RBFOX1: variants seen among roughly 807,000 people sequenced by gnomAD.
RBFOX1 encodes RNA binding protein fox-1 homolog 1.
In RBFOX1, 8 loss-of-function variants were observed where a neutral mutation model predicts 57.7. The observed-to-expected ratio is 0.14, with a 90% CI of 0.08 to 0.25. RBFOX1 has a LOEUF of 0.25. RBFOX1 is among the 10% of genes least tolerant of loss of function. The probability of loss-of-function intolerance (pLI) is 1.00; values close to 1 mark genes in which losing one functional copy is unlikely to be tolerated. For synonymous variants in RBFOX1, 326 were observed against 222.4 expected (o/e 1.47, Z -4.15); for missense variants, 611 against 548.5 (o/e 1.11, Z -1.14).
chr16:5,584,317 T>C (rs2046763478), intron 2 of RBFOX1, among the ~76,000 whole-genome samples: 1 of 152,226 alleles, frequency 6.6e-6, no homozygotes, highest in Non-Finnish European at 1.5e-5. Context: ...TTGGGAAAAC[T>C]TGAGTGCTGT....
intron 4 of RBFOX1, among the ~76,000 whole-genome samples, chr16:7,289,802 G>A (rs2095728560): frequency 6.6e-6 from 1 of 152,114 alleles, no homozygotes. Flanking sequence ...ATTAGTGCTT[G>A]TCTCACTTAT....
chr16:5,976,943 C>T (rs1461137473), intron 4 of RBFOX1, among the ~76,000 whole-genome samples: 1 of 152,134 alleles, frequency 6.6e-6, no homozygotes, highest in Non-Finnish European at 1.5e-5. Context: ...GTGCAGGTTC[C>T]TCTCTGCTTC....
At chr16:7,626,508 G>T (rs1178403546) in intron 10 of RBFOX1, among the ~76,000 whole-genome samples, 2 of 152,148 alleles carry the variant, frequency 1.3e-5, no homozygotes, top group African/African-American at 2.4e-5. Flanking sequence ...TTTGGAACGG[G>T]CTCTGATTAT....
chr16:7,507,929 G>C (rs937358808), intron 4 of RBFOX1, among the ~76,000 whole-genome samples: 3 of 151,668 alleles, frequency 2.0e-5, no homozygotes, highest in Non-Finnish European at 4.4e-5. Flanking sequence ...CCCATGTTCT[G>C]TTGCATCTAT....
At chr16:7,172,839 G>C (rs1044648825) in intron 4 of RBFOX1, among the ~76,000 whole-genome samples, 1 of 152,136 alleles carries the variant, frequency 6.6e-6, no homozygotes, top group Non-Finnish European at 1.5e-5. Context: ...TGAAGTGAGG[G>C]TTTAGAGAAC....
chr16:5,409,436 C>G (rs1235478396), intron 1 of RBFOX1, among the ~76,000 whole-genome samples: 2 of 152,192 alleles, frequency 1.3e-5, no homozygotes, highest in Non-Finnish European at 2.9e-5. Flanking sequence ...GGCTTTTTCC[C>G]TCTTAACAAC....
chr16:7,159,202 G>T (rs74009271), intron 4 of RBFOX1, among the ~76,000 whole-genome samples: 1 of 152,102 alleles, frequency 6.6e-6, no homozygotes, highest in Non-Finnish European at 1.5e-5. Context: ...ATAGTTGATT[G>T]TCTTAGATTG....
intron 2 of RBFOX1, among the ~76,000 whole-genome samples, chr16:6,521,017 T>C (rs1347448868): frequency 6.6e-6 from 1 of 152,140 alleles, no homozygotes; most frequent in Non-Finnish European, 1.5e-5. Context: ...AATTTGTCAA[T>C]TTATATCAAA....
intron 1 of RBFOX1, among the ~76,000 whole-genome samples, chr16:6,261,989 A>C (rs780233150): frequency 6.6e-6 from 1 of 152,066 alleles, no homozygotes; most frequent in Non-Finnish European, 1.5e-5. Context: ...AGCTCACACC[A>C]TCGTACTCCA....
Position 6,072,716 on chromosome 16 carries a change from G to C in RBFOX1, c.-127+52724G>C, listed in dbSNP as rs539674883. ...TTTGATTTGCATTTCCCTATGTTTA[G>C]TGAGCTGTATTATGGGCTTAAAATT... On this transcript the variant is annotated intron_variant, in intron 1 of 15. Coordinates refer to ENST00000550418, the MANE Select transcript of RBFOX1 (RefSeq NM_018723.4). Among the ~76,000 whole-genome samples, 5 of 151,790 alleles carry C rather than the reference G, an allele frequency of 3.3e-5. No individual in the cohort carries two copies. In the South Asian group the frequency reaches 1.0e-3, roughly 31 times the overall value.
At chr16:5,976,821 A>C (rs974550681) in intron 4 of RBFOX1, among the ~76,000 whole-genome samples, 50 of 152,294 alleles carry the variant, frequency 3.3e-4, no homozygotes, top group African/African-American at 1.2e-3. Context: ...GTGAGCCAAA[A>C]TCATGCCACT....
intron 3 of RBFOX1, among the ~76,000 whole-genome samples, chr16:5,824,040 G>A (rs2055949586): frequency 6.6e-6 from 1 of 152,150 alleles, no homozygotes. Context: ...GTAGCCAGAT[G>A]GCCTGGTTTC....
downstream of RBFOX1, among the ~76,000 whole-genome samples, chr16:5,604,862 C>G (rs77513304): frequency 1.4e-3 from 217 of 152,328 alleles, 9 homozygotes; most frequent in South Asian, 0.043. Flanking sequence ...ATCTGGACGT[C>G]TTAACTTCCT....
chr16:6,307,900 G>T (rs2079728719), intron 1 of RBFOX1, among the ~76,000 whole-genome samples: 1 of 121,574 alleles, frequency 8.2e-6, no homozygotes, highest in Admixed American at 8.2e-5. Context: ...TATTTATTTG[G>T]ATTATTTACA....
chr16:7,461,561 G>A (rs988293643), intron 4 of RBFOX1, among the ~76,000 whole-genome samples: 3 of 152,124 alleles, frequency 2.0e-5, no homozygotes, highest in Admixed American at 6.6e-5. Context: ...TACCCTCCAA[G>A]AACTTAGAAT....
At chr16:6,636,936 TACATAA>T (rs2098441186) in intron 2 of RBFOX1, among the ~76,000 whole-genome samples, 1 of 108,564 alleles carries the variant, frequency 9.2e-6, no homozygotes, top group South Asian at 2.4e-4. Context: ...TGTATAAATA[TACATAA>T]AATATACATA....
At chr16:7,641,388 T>A (rs2062763248) in intron 11 of RBFOX1, among the ~76,000 whole-genome samples, 2 of 152,192 alleles carry the variant, frequency 1.3e-5, no homozygotes, top group African/African-American at 4.8e-5. Context: ...AATCATGTTT[T>A]TATATAAAAG....
At chr16:6,753,655 C>T (rs929594216) in intron 3 of RBFOX1, among the ~76,000 whole-genome samples, 1 of 152,166 alleles carries the variant, frequency 6.6e-6, no homozygotes, top group Admixed American at 6.6e-5. Context: ...GTACTTCTCG[C>T]CTGCCTTCCT....
chr16:5,455,446 C>T (rs781556035), intron 1 of RBFOX1, among the ~76,000 whole-genome samples: 1 of 152,108 alleles, frequency 6.6e-6, no homozygotes, highest in Non-Finnish European at 1.5e-5. Flanking sequence ...GTATATCACT[C>T]CACCTCTTGA....
Sources: allele counts gnomAD v4.1 joint callset (sites outside exome capture counted in the v4.1 genomes callset), GRCh38; gene constraint gnomAD v4.1.1; transcripts MANE v1.5; gene names NCBI Gene and HGNC (gene_info 2026-07-23, HGNC 2026-07-21).